Variants in ZNF143 observed in about 807,000 individuals in gnomAD.
The protein encoded by ZNF143 is zinc finger protein 143, also known as SPH-binding factor.
ZNF143 carries 49 observed loss-of-function variants against 74.1 expected under a neutral mutation model. The observed-to-expected ratio is 0.66, with a 90% CI of 0.53 to 0.84. The LOEUF (loss-of-function observed/expected upper bound fraction) is 0.84. Among genes scored for constraint, ZNF143 ranks in the 40% least tolerant of loss-of-function variants. The probability of loss-of-function intolerance (pLI) is 0.00; values close to 1 mark genes in which losing one functional copy is unlikely to be tolerated. For missense variants in ZNF143, 637 were observed against 793.4 expected, an observed-to-expected ratio of 0.80 and a Z score of 2.37; for synonymous variants, 304 against 282.8, an observed-to-expected ratio of 1.07 and a Z score of -0.75.
At chr11:9,523,476 G>A (rs1285374882) in intron 14 of ZNF143, among the ~76,000 whole-genome samples, 2 of 152,186 alleles carry the variant, frequency 1.3e-5, no homozygotes, top group African/African-American at 4.8e-5. Context: ...GCTCACGCCT[G>A]TAATCCCAGC....
At chr11:9,488,314 T>C (rs1847639781) in intron 7 of ZNF143, among the ~76,000 whole-genome samples, 1 of 152,206 alleles carries the variant, frequency 6.6e-6, no homozygotes, top group Non-Finnish European at 1.5e-5. Context: ...TGTCCCTTAC[T>C]TAAAATATTT....
intron 14 of ZNF143, among the ~76,000 whole-genome samples, chr11:9,520,025 A>AC (rs1262417036): frequency 1.1e-5 from 1 of 91,386 alleles, no homozygotes; most frequent in African/African-American, 4.8e-5. Flanking sequence ...GTTTCCACCA[A>AC]TTTTTTTTTT....
chr11:9,478,346 A>G lies in ZNF143; in HGVS notation c.374-44A>G, dbSNP rs887058430. 3 of 1,580,466 alleles carry G rather than the reference A, an allele frequency of 1.9e-6. No homozygotes were observed. In the African/African-American group the frequency reaches 4.0e-5, roughly 21 times the overall value. On this transcript the variant is annotated intron_variant, in intron 5 of 15. Coordinates refer to ENST00000396602, the MANE Select transcript of ZNF143 (RefSeq NM_003442.6). The stretch of plus-strand genomic sequence containing the variant: ...TCCTTTAAATATGTAAATATTTGTC[A>G]GATTTTACCTTTAATTTAATGGCAT...
At chr11:9,485,077 G>A (rs140783692) in intron 7 of ZNF143, among the ~76,000 whole-genome samples, 20,610 of 150,362 alleles carry the variant, frequency 0.14, 1,870 homozygotes, top group African/African-American at 0.16. Flanking sequence ...GATTACAGGC[G>A]TGACCCACCG....
intron 1 of ZNF143, among the ~76,000 whole-genome samples, chr11:9,462,340 C>G (rs763065657): frequency 2.7e-5 from 4 of 150,416 alleles, no homozygotes; most frequent in Non-Finnish European, 5.9e-5. Flanking sequence ...CCTTACAGTT[C>G]ACCCATTTAA....
intron 12 of ZNF143, among the ~76,000 whole-genome samples, chr11:9,512,006 C>T (rs1160984815): frequency 6.6e-6 from 1 of 152,080 alleles, no homozygotes; most frequent in African/African-American, 2.4e-5. Flanking sequence ...CCACCTCAGC[C>T]TCCCAAAGTC....
At chr11:9,499,597 C>G (rs371039050) in intron 10 of ZNF143, among the ~76,000 whole-genome samples, 1 of 152,068 alleles carries the variant, frequency 6.6e-6, no homozygotes, top group East Asian at 1.9e-4. Context: ...CGCAGCTACC[C>G]GGGAGGCTGA....
chr11:9,468,879 A>G (rs1374703619), intron 1 of ZNF143, among the ~76,000 whole-genome samples: 2 of 152,054 alleles, frequency 1.3e-5, no homozygotes, highest in Non-Finnish European at 2.9e-5. Context: ...CACACCTGTA[A>G]TCCCAGTACT....
At chr11:9,501,988 G>A (rs1848179777) in intron 11 of ZNF143, among the ~76,000 whole-genome samples, 1 of 125,372 alleles carries the variant, frequency 8.0e-6, no homozygotes, top group Admixed American at 9.6e-5. Flanking sequence ...CCAGGCTGGA[G>A]TGCAATGGCG....
chr11:9,488,560 T>C (rs1005484549), intron 7 of ZNF143, among the ~76,000 whole-genome samples: 1 of 152,130 alleles, frequency 6.6e-6, no homozygotes, highest in Admixed American at 6.6e-5. Flanking sequence ...ATTTCACCCC[T>C]AGACAGCTTG....
At chr11:9,518,187 A>T (rs1848788382) in intron 14 of ZNF143, among the ~76,000 whole-genome samples, 1 of 152,228 alleles carries the variant, frequency 6.6e-6, no homozygotes, top group Non-Finnish European at 1.5e-5. Flanking sequence ...CATCAAAGAA[A>T]TGCAAATTAA....
chr11:9,527,075 T>G (rs1193584905), intron 15 of ZNF143, among the ~76,000 whole-genome samples: 1 of 152,172 alleles, frequency 6.6e-6, no homozygotes, highest in Non-Finnish European at 1.5e-5. Flanking sequence ...CCTCGTGATC[T>G]GCCCGCCTCG....
chr11:9,498,536 T>C (rs1480023739), intron 10 of ZNF143, among the ~76,000 whole-genome samples: 1 of 152,242 alleles, frequency 6.6e-6, no homozygotes, highest in East Asian at 1.9e-4. Flanking sequence ...TGATCATTTC[T>C]CCTTCTCTTT....
rs1300799514 is a variant in ZNF143, at chr11:9,486,357, TATATATTATATATA to T, written c.645+6826_645+6839del. Among the ~76,000 whole-genome samples, 90 of 51,972 alleles carry T rather than the reference TATATATTATATATA, an allele frequency of 1.7e-3. 1 individual carries two copies. Among genetic ancestry groups the T allele is most frequent in the African/African-American group, 2.6e-3 (33 of 12,824 alleles). The allele number at this position is 51,972 out of a possible 152,430, so 34.1% of individuals were successfully genotyped here. On this transcript the variant is annotated intron_variant, in intron 7 of 15. Transcript: ENST00000396602. ...CTAATTATATTATATATATATTATA[TATATATTATATATA>T]ATATATTATATATATAATATATATA...
intron 8 of ZNF143, among the ~76,000 whole-genome samples, chr11:9,495,430 A>G (rs1387573479): frequency 6.6e-6 from 1 of 152,180 alleles, no homozygotes. Flanking sequence ...AACAGAGCGA[A>G]ACTCCATCTC....
At chr11:9,524,903 G>A (rs1229222302) in intron 14 of ZNF143, among the ~76,000 whole-genome samples, 1 of 152,096 alleles carries the variant, frequency 6.6e-6, no homozygotes, top group Non-Finnish European at 1.5e-5. Context: ...GACATTTGAG[G>A]TGCAAATTAG....
At chr11:9,467,910 A>T (rs1590493732) in intron 1 of ZNF143, among the ~76,000 whole-genome samples, 1 of 152,042 alleles carries the variant, frequency 6.6e-6, no homozygotes, top group East Asian at 1.9e-4. Flanking sequence ...CAATTATCTA[A>T]TGATGCTTTG....
Position 9,487,123 on chromosome 11 carries a change from C to T in ZNF143, c.646-7523C>T, listed in dbSNP as rs567783252. ...CTGGGAATACAGGTGCCTGCTACCA[C>T]GCCTGGCTAATTTTTGTATTTTTAA... On this transcript the variant is annotated intron_variant, in intron 7 of 15. Coordinates refer to ENST00000396602, the MANE Select transcript of ZNF143 (RefSeq NM_003442.6). Among the ~76,000 whole-genome samples, 10 of 151,128 alleles carry T rather than the reference C, an allele frequency of 6.6e-5. No individual in the cohort carries two copies. In the South Asian group the frequency reaches 1.2e-3, roughly 19 times the overall value.
chr11:9,464,132 T>A (rs965670187), intron 1 of ZNF143, among the ~76,000 whole-genome samples: 2 of 151,028 alleles, frequency 1.3e-5, no homozygotes, highest in Non-Finnish European at 3.0e-5. Flanking sequence ...GTATAGATAT[T>A]AAAAATCCAT....
Sources: gnomAD v4.1 joint callset for allele counts (sites outside exome capture counted in the v4.1 genomes callset) on GRCh38, gnomAD v4.1.1 for gene constraint, MANE v1.5 for transcripts, NCBI Gene and HGNC (gene_info 2026-07-23, HGNC 2026-07-21) for gene names.